Variants in PPP6R2 observed in about 807,000 individuals in gnomAD.
PPP6R2 encodes serine/threonine-protein phosphatase 6 regulatory subunit 2.
A neutral mutation model predicts 100.2 loss-of-function variants in PPP6R2; 62 were observed. The ratio of observed to expected loss-of-function variants is 0.62; its 90% CI spans 0.50 to 0.76. PPP6R2 has a LOEUF of 0.76. PPP6R2 is among the 30% of genes least tolerant of loss of function. The pLI, the probability that PPP6R2 is intolerant of heterozygous loss-of-function variation, is 0.00. For synonymous variants in PPP6R2, 525 were observed against 514.7 expected, an observed-to-expected ratio of 1.02 and a Z score of -0.27; for missense variants, 1,142 against 1,276.3, an observed-to-expected ratio of 0.89 and a Z score of 1.60.
chr22:50,420,410 G>A (rs762300024), intron 8 of PPP6R2, among the ~76,000 whole-genome samples: 4 of 152,232 alleles, frequency 2.6e-5, no homozygotes, highest in Admixed American at 1.3e-4. Flanking sequence ...AGGCTGCTGA[G>A]TCACGACAGT....
chr22:50,441,151 CCCCCATGG>C, intron 22 of PPP6R2, 125 bp downstream of exon 22: 1 of 857,248 alleles, frequency 1.2e-6, no homozygotes, highest in Non-Finnish European at 1.7e-6. Context: ...CACACTGCCT[CCCCCATGG>C]CCCCGTGACC....
chr22:50,369,562 C>T (rs1334424115), intron 1 of PPP6R2, among the ~76,000 whole-genome samples: 1 of 152,094 alleles, frequency 6.6e-6, no homozygotes, highest in Non-Finnish European at 1.5e-5. Flanking sequence ...CAGAGTCTCA[C>T]TCTGTTGCCC....
intron 4 of PPP6R2, among the ~76,000 whole-genome samples, chr22:50,410,861 C>A (rs1202845942): frequency 6.6e-6 from 1 of 151,616 alleles, no homozygotes; most frequent in Non-Finnish European, 1.5e-5. Flanking sequence ...GGCACAATCT[C>A]GGCTCACTGC....
chr22:50,334,147 G>A, the PPP6R2 span, among the ~76,000 whole-genome samples: 41 of 152,400 alleles, frequency 2.7e-4, no homozygotes, highest in Admixed American at 2.4e-3. Flanking sequence ...TCACAGAGAC[G>A]TTTAGGCCTC....
At chr22:50,437,764 C>A in intron 16 of PPP6R2, 79 bp from the exon 17 acceptor site, 1 of 1,495,684 alleles carries the variant, frequency 6.7e-7, no homozygotes, top group Non-Finnish European at 9.1e-7. Context: ...CCCCGATGAG[C>A]ACCGGGGGAG....
intron 2 of PPP6R2, among the ~76,000 whole-genome samples, chr22:50,384,909 C>CTTGTT (rs1380663588): frequency 1.3e-5 from 2 of 151,822 alleles, no homozygotes; most frequent in Admixed American, 6.6e-5. Flanking sequence ...CTCAGCTAAT[C>CTTGTT]TTGTTTTGTT....
chr22:50,381,800 C>T (rs1290984496), intron 2 of PPP6R2, among the ~76,000 whole-genome samples: 1 of 151,496 alleles, frequency 6.6e-6, no homozygotes, highest in Non-Finnish European at 1.5e-5. Flanking sequence ...CCCAGCTACT[C>T]AGGAGGCTGA....
chr22:50,356,001 C>T (rs1288938858), intron 1 of PPP6R2, among the ~76,000 whole-genome samples: 1 of 146,306 alleles, frequency 6.8e-6, no homozygotes, highest in Non-Finnish European at 1.5e-5. Context: ...CTCGCTCTGT[C>T]ACTCAGGCTG....
chr22:50,384,098 C>T (rs1439298545), intron 2 of PPP6R2, among the ~76,000 whole-genome samples: 4 of 151,190 alleles, frequency 2.6e-5, no homozygotes, highest in Non-Finnish European at 2.9e-5. Flanking sequence ...GACATCACAT[C>T]CCTTCTTTCA....
At position 50,437,491 on chromosome 22, in the gene PPP6R2, C is replaced by T; in HGVS notation, c.1684-15C>T. The T allele has an allele frequency of 2.2e-6, 2 of 895,392 alleles. No individual in the cohort carries two copies. The highest frequency in any genetic ancestry group is 3.8e-6 in the Non-Finnish European group (2 of 530,888). The allele number at this position is 895,392 out of a possible 1,614,324, so 55.5% of individuals were successfully genotyped here. On this transcript the variant is annotated splice_polypyrimidine_tract_variant and intron_variant, in intron 15 of 23. Transcript: ENST00000612753. ...CCGGTGTCTGTCCGTCCCTCCCTCC[C>T]TCCCTCCCTCCCAGGCCTTCTCTGA...
At chr22:50,337,655 T>TGG in the PPP6R2 span, among the ~76,000 whole-genome samples, 1 of 99,782 alleles carries the variant, frequency 1.0e-5, no homozygotes, top group East Asian at 2.7e-4. Context: ...AGTGTGTGTG[T>TGG]GGTGTGTGTG....
Position 50,443,864 on chromosome 22 carries a change from A to T in PPP6R2, c.2580-2A>T. On this transcript the variant is annotated splice_acceptor_variant, in intron 22 of 23. Transcript: ENST00000612753. LOFTEE classifies it high-confidence loss of function. ...TAACCGGAGTCCATGTTTGCCACAC[A>T]GGGTCGGGTGTGCTGACAGCCGGCT... is the stretch of plus-strand genomic sequence containing the variant. 4 of 1,570,754 alleles carry T rather than the reference A, an allele frequency of 2.5e-6. No homozygotes were observed. The highest frequency in any genetic ancestry group is 3.5e-6 in the Non-Finnish European group (4 of 1,155,016).
At chr22:50,378,415 C>T (rs867244215) in intron 2 of PPP6R2, among the ~76,000 whole-genome samples, 7 of 151,878 alleles carry the variant, frequency 4.6e-5, no homozygotes, top group African/African-American at 1.7e-4. Flanking sequence ...GGAGAAACCC[C>T]ATCTCTACTA....
intron 1 of PPP6R2, among the ~76,000 whole-genome samples, chr22:50,346,686 T>C (rs544356563): frequency 3.3e-4 from 46 of 138,212 alleles, no homozygotes; most frequent in Admixed American, 1.2e-3. Flanking sequence ...CTCCTGTCGG[T>C]CAGTGCCTCC....
chr22:50,438,446 T>C, intron 18 of PPP6R2, 148 bp downstream of exon 18: 1 of 1,446,558 alleles, frequency 6.9e-7, no homozygotes, highest in Non-Finnish European at 9.4e-7. Flanking sequence ...CGGGTGACCC[T>C]AAGGAGCCCA....
intron 1 of PPP6R2, among the ~76,000 whole-genome samples, chr22:50,358,930 C>T (rs916775342): frequency 5.4e-5 from 8 of 147,198 alleles, no homozygotes; most frequent in Admixed American, 2.1e-4. Flanking sequence ...GTTAACACCG[C>T]GATGTCTTGA....
rs932519129 is a variant in PPP6R2 at position 50,346,826 on chromosome 22, C to T, written c.-148+3276C>T. Among the ~76,000 whole-genome samples, 8 of 132,042 alleles carry T rather than the reference C, an allele frequency of 6.1e-5. No individual in the cohort carries two copies. The Admixed American group carries it at 6.3e-4, about 10-fold the overall frequency. 86.6% of individuals were successfully genotyped at this position (132,042 alleles called of 152,430 possible). A position where few individuals can be genotyped will look rare whatever the true frequency, so the allele number is the denominator to read the frequency against. The stretch of plus-strand genomic sequence containing the variant: ...CATCCCTGTCCCCCGTCAGCCAGTG[C>T]CCCCCCAGTCAATTATTTTCTTTCT... On this transcript the variant is annotated intron_variant, in intron 1 of 23. Transcript: ENST00000612753.
intron 1 of PPP6R2, among the ~76,000 whole-genome samples, chr22:50,371,781 C>T (rs1426435640): frequency 1.3e-5 from 2 of 152,114 alleles, no homozygotes; most frequent in Non-Finnish European, 2.9e-5. Flanking sequence ...GGACTACAGG[C>T]ATGCGCCACC....
intron 3 of PPP6R2, among the ~76,000 whole-genome samples, chr22:50,395,899 A>G (rs910922932): frequency 2.3e-4 from 32 of 140,006 alleles, no homozygotes; most frequent in Non-Finnish European, 3.6e-4. Flanking sequence ...ATGGTTGGGG[A>G]AAAAAAAATC....
Sources: allele counts gnomAD v4.1 joint callset (sites outside exome capture counted in the v4.1 genomes callset), GRCh38; gene constraint gnomAD v4.1.1; transcripts MANE v1.5; gene names NCBI Gene and HGNC (gene_info 2026-07-23, HGNC 2026-07-21).